Variants in TARS3 observed in about 807,000 individuals in gnomAD.
TARS3 encodes threonyl-tRNA synthetase 3.
A neutral mutation model predicts 103.5 loss-of-function variants in TARS3; 94 were observed. The ratio of observed to expected loss-of-function variants is 0.91; its 90% CI spans 0.77 to 1.08. The LOEUF (loss-of-function observed/expected upper bound fraction) is 1.08, where lower values mean the gene tolerates loss of function less well. TARS3 is among the 50% of genes least tolerant of loss of function. The pLI, the probability that TARS3 is intolerant of heterozygous loss-of-function variation, is 0.00. For synonymous variants in TARS3, 416 were observed against 355.4 expected, an observed-to-expected ratio of 1.17 and a Z score of -1.92; for missense variants, 952 against 995.2, an observed-to-expected ratio of 0.96 and a Z score of 0.58.
chr15:101,682,644 C>A (rs910081341), intron 12 of TARS3, among the ~76,000 whole-genome samples: 1 of 152,104 alleles, frequency 6.6e-6, no homozygotes, highest in Non-Finnish European at 1.5e-5. Flanking sequence ...ATATTAGCTT[C>A]ATTAGCTTCA....
chr15:101,687,194 G>A (rs1898511694), intron 10 of TARS3, among the ~76,000 whole-genome samples: 1 of 152,060 alleles, frequency 6.6e-6, no homozygotes, highest in African/African-American at 2.4e-5. Context: ...CCTGAGGTCA[G>A]GAGTTTGAGA....
At chr15:101,658,033 AGAATTTTG>A (rs565445490) in intron 16 of TARS3, among the ~76,000 whole-genome samples, 176 bp from the exon 17 acceptor site, 233 of 152,348 alleles carry the variant, frequency 1.5e-3, no homozygotes, top group African/African-American at 5.3e-3. Context: ...AAATGAAAGG[AGAATTTTG>A]GAATTTTGAT....
intron 3 of TARS3, among the ~76,000 whole-genome samples, chr15:101,718,205 C>T (rs1196293070): frequency 6.6e-6 from 1 of 152,072 alleles, no homozygotes; most frequent in Non-Finnish European, 1.5e-5. Context: ...GCCATCCTTA[C>T]TAAAAATACA....
intron 10 of TARS3, chr15:101,695,658 T>C (rs1186893100): frequency 6.6e-6 from 1 of 152,218 alleles, no homozygotes; most frequent in East Asian, 1.9e-4. Context: ...ATTCCAACAC[T>C]TTGGGAGGCT....
chr15:101,722,094 G>C (rs568895732), intron 2 of TARS3, among the ~76,000 whole-genome samples: 19 of 152,146 alleles, frequency 1.2e-4, no homozygotes, highest in African/African-American at 4.6e-4. Context: ...CCAACTGTAA[G>C]ACTAAGAGCA....
intron 15 of TARS3, among the ~76,000 whole-genome samples, 162 bp downstream of exon 15, chr15:101,671,324 A>G (rs1897792194): frequency 6.6e-6 from 1 of 152,222 alleles, no homozygotes; most frequent in Admixed American, 6.5e-5. Context: ...CAGAAAATTC[A>G]AGTTGATTCG....
intron 12 of TARS3, among the ~76,000 whole-genome samples, chr15:101,680,026 C>T (rs1300913538): frequency 6.6e-6 from 1 of 152,104 alleles, no homozygotes; most frequent in African/African-American, 2.4e-5. Flanking sequence ...GAAGAGGCAC[C>T]TCATTACTTC....
At chr15:101,661,213 T>C (rs1468546030) in intron 16 of TARS3, among the ~76,000 whole-genome samples, 1 of 149,428 alleles carries the variant, frequency 6.7e-6, no homozygotes, top group Non-Finnish European at 1.5e-5. Flanking sequence ...TCATCCTAAA[T>C]GGGCTGTGCT....
At chr15:101,668,989 T>A (rs1338232457) in intron 15 of TARS3, among the ~76,000 whole-genome samples, 5 of 150,038 alleles carry the variant, frequency 3.3e-5, no homozygotes, top group East Asian at 3.9e-4. Flanking sequence ...TCACTTACTT[T>A]AAAAAAAAAA....
rs373385723 is a variant in TARS3, at chr15:101,657,974, G to A, written c.2073-117C>T. On this transcript the variant is annotated intron_variant, in intron 16 of 18. Coordinates refer to ENST00000335968, the MANE Select transcript of TARS3 (RefSeq NM_152334.3). ...TTCACAAGAGGGCAGTTTCAGTAGC[G>A]CAGCATGGAAGAAAACTAAATTATA... The A allele has an allele frequency of 2.3e-4, 139 of 613,630 alleles. 1 individual carries two copies. The South Asian group carries it at 2.8e-3, about 12-fold the overall frequency. 38.0% of individuals were successfully genotyped at this position (613,630 alleles called of 1,614,324 possible). A position where few individuals can be genotyped will look rare whatever the true frequency, so the allele number is the denominator to read the frequency against.
chr15:101,660,653 T>A (rs1261669500), intron 16 of TARS3, among the ~76,000 whole-genome samples: 1 of 152,206 alleles, frequency 6.6e-6, no homozygotes, highest in Non-Finnish European at 1.5e-5. Context: ...CACTGGCTAT[T>A]ACCCCAGGTT....
chr15:101,693,478 A>G (rs1476864900), intron 10 of TARS3, among the ~76,000 whole-genome samples: 2 of 152,158 alleles, frequency 1.3e-5, no homozygotes, highest in Non-Finnish European at 2.9e-5. Flanking sequence ...GGGGATTACT[A>G]CAATTCAAGG....
intron 7 of TARS3, among the ~76,000 whole-genome samples, chr15:101,704,532 G>A (rs1014884068): frequency 6.6e-6 from 1 of 151,926 alleles, no homozygotes; most frequent in Non-Finnish European, 1.5e-5. Context: ...GTGGGCGCCT[G>A]TAATCCCAGC....
intron 5 of TARS3, among the ~76,000 whole-genome samples, chr15:101,710,737 C>T (rs1281413121): frequency 6.6e-6 from 1 of 151,998 alleles, no homozygotes; most frequent in Non-Finnish European, 1.5e-5. Context: ...AAGCAGCGTG[C>T]AGGAGAAGGT....
intron 18 of TARS3, 65 bp downstream of exon 18, chr15:101,656,857 T>G (rs1897212651): frequency 1.3e-5 from 12 of 937,656 alleles, no homozygotes; most frequent in Middle Eastern, 2.4e-4. Flanking sequence ...TATTTCTTAT[T>G]TGGTCTTTTG....
chr15:101,709,623 T>C (rs1180010818), intron 5 of TARS3, among the ~76,000 whole-genome samples: 5 of 152,228 alleles, frequency 3.3e-5, no homozygotes, highest in East Asian at 1.9e-4. Context: ...ACCTGGCTGA[T>C]GTTCCTATAG....
chr15:101,724,011 C>G (rs962672035), intron 1 of TARS3, 80 bp downstream of exon 1: 8 of 1,260,640 alleles, frequency 6.3e-6, no homozygotes, highest in Non-Finnish European at 7.1e-6. Flanking sequence ...CACCTGCCCC[C>G]GCAGTTGAAA....
chr15:101,669,487 A>G (rs1897713513), intron 15 of TARS3, among the ~76,000 whole-genome samples: 1 of 152,230 alleles, frequency 6.6e-6, no homozygotes, highest in African/African-American at 2.4e-5. Context: ...AGTATACACT[A>G]ATGTCCTCGG....
intron 12 of TARS3, among the ~76,000 whole-genome samples, chr15:101,682,142 C>T (rs1898279967): frequency 6.6e-6 from 1 of 152,078 alleles, no homozygotes; most frequent in Non-Finnish European, 1.5e-5. Context: ...TAACTTACTG[C>T]ATCAGAAAGA....
Sources: gnomAD v4.1 joint callset for allele counts (sites outside exome capture counted in the v4.1 genomes callset) on GRCh38, gnomAD v4.1.1 for gene constraint, MANE v1.5 for transcripts, NCBI Gene and HGNC (gene_info 2026-07-23, HGNC 2026-07-21) for gene names.